The following CTNNA3 variants were observed in gnomAD, a reference collection of about 807,000 sequenced individuals.
CTNNA3 encodes catenin alpha-3.
A neutral mutation model predicts 95.7 loss-of-function variants in CTNNA3; 76 were observed. The observed-to-expected ratio is 0.79, with a 90% CI of 0.66 to 0.96. The LOEUF is 0.96. CTNNA3 is among the 40% of genes least tolerant of loss of function. CTNNA3 has a pLI of 0.00. For synonymous variants in CTNNA3, 431 were observed against 374.4 expected (o/e 1.15, Z -1.74); for missense variants, 1,191 against 1,089.8 (o/e 1.09, Z -1.31).
At chr10:66,421,861 G>T (rs1232738376) in intron 11 of CTNNA3, among the ~76,000 whole-genome samples, 1 of 115,658 alleles carries the variant, frequency 8.6e-6, no homozygotes, top group Non-Finnish European at 1.9e-5. Flanking sequence ...AAAGAAAAGT[G>T]TGTTTTTAAA....
chr10:67,125,791 C>T (rs1424546257), intron 7 of CTNNA3, among the ~76,000 whole-genome samples: 4 of 152,116 alleles, frequency 2.6e-5, no homozygotes, highest in South Asian at 2.1e-4. Context: ...CCCTCATAAG[C>T]ACAAGTAGCC....
At position 67,126,538 on chromosome 10, in the gene CTNNA3, G is replaced by T. The variant is rs550311995; in HGVS notation, c.1047+53779C>A. ...TGCACTCCAGCCTGGGCAACAGAGC[G>T]ACAGAGCAAGACTCTGTCTCAAGAA... On this transcript the variant is annotated intron_variant, in intron 7 of 17. Transcript: ENST00000433211. Among the ~76,000 whole-genome samples the T allele has an allele frequency of 1.5e-4, 23 of 152,284 alleles. No homozygotes were observed. The South Asian group carries it at 4.6e-3, about 30-fold the overall frequency.
intron 9 of CTNNA3, among the ~76,000 whole-genome samples, chr10:66,622,741 G>C (rs1379617019): frequency 6.6e-6 from 1 of 152,034 alleles, no homozygotes; most frequent in Admixed American, 6.6e-5. Flanking sequence ...TTCCTGCTAA[G>C]ATCTAAAATA....
At chr10:65,949,570 G>T (rs764192663) in intron 17 of CTNNA3, among the ~76,000 whole-genome samples, 1 of 152,058 alleles carries the variant, frequency 6.6e-6, no homozygotes, top group Non-Finnish European at 1.5e-5. Flanking sequence ...GAAGGGGAGG[G>T]AAGAAAAAAG....
Position 66,144,099 on chromosome 10 carries a change from C to T in CTNNA3, c.1885-40850G>A, listed in dbSNP as rs527699668. On this transcript the variant is annotated intron_variant, in intron 13 of 17. Coordinates refer to ENST00000433211, the MANE Select transcript of CTNNA3 (RefSeq NM_013266.4). ...ACAATTTATTTTTGTTATTTCGTGACTTCACTGCATTTTATTGCATTTCTG... is the reference window on the plus strand; with the variant it reads ...ACAATTTATTTTTGTTATTTCGTGATTTCACTGCATTTTATTGCATTTCTG... 5.6e-4 allele frequency among the ~76,000 whole-genome samples: 86 copies of T among 152,226 alleles called. 1 individual carries two copies. Among genetic ancestry groups the T allele is most frequent in the Non-Finnish European group, 1.1e-3 (72 of 68,008 alleles).
intron 11 of CTNNA3, among the ~76,000 whole-genome samples, chr10:66,497,895 GATA>G (rs1840151478): frequency 6.6e-6 from 1 of 152,060 alleles, no homozygotes; most frequent in Non-Finnish European, 1.5e-5. Flanking sequence ...AGAAGACATA[GATA>G]ATAAAAGTCC....
chr10:67,346,168 T>G (rs1251616616), intron 5 of CTNNA3, among the ~76,000 whole-genome samples: 1 of 152,190 alleles, frequency 6.6e-6, no homozygotes, highest in Non-Finnish European at 1.5e-5. Flanking sequence ...TTGTTTCTAT[T>G]TATACCTTAT....
At chr10:67,476,631 T>C (rs1367395894) in intron 5 of CTNNA3, among the ~76,000 whole-genome samples, 1 of 150,176 alleles carries the variant, frequency 6.7e-6, no homozygotes, top group Non-Finnish European at 1.5e-5. Flanking sequence ...GAGATCGTAG[T>C]GCATCTGAGC....
chr10:67,406,790 C>G (rs1034916242), intron 5 of CTNNA3, among the ~76,000 whole-genome samples: 2 of 152,106 alleles, frequency 1.3e-5, no homozygotes, highest in African/African-American at 4.8e-5. Flanking sequence ...GTTATGAACA[C>G]CTCTATGCAC....
At chr10:66,969,511 C>T (rs1053553116) in intron 7 of CTNNA3, among the ~76,000 whole-genome samples, 9 of 152,058 alleles carry the variant, frequency 5.9e-5, no homozygotes, top group South Asian at 4.1e-4. Flanking sequence ...ATTATTTCCT[C>T]GGGATACATT....
intron 7 of CTNNA3, among the ~76,000 whole-genome samples, chr10:66,906,768 A>G (rs1203136331): frequency 6.6e-6 from 1 of 151,768 alleles, no homozygotes; most frequent in Non-Finnish European, 1.5e-5. Flanking sequence ...ATTTTTTTTT[A>G]GTGCGTCTCT....
chr10:66,281,421 A>G (rs1427583534), intron 12 of CTNNA3, among the ~76,000 whole-genome samples: 1 of 151,928 alleles, frequency 6.6e-6, no homozygotes, highest in East Asian at 1.9e-4. Context: ...TAACCCCAGT[A>G]TTAACTGAGT....
chr10:66,664,149 A>G (rs1189005609), intron 9 of CTNNA3, among the ~76,000 whole-genome samples: 1 of 152,108 alleles, frequency 6.6e-6, no homozygotes, highest in East Asian at 1.9e-4. Flanking sequence ...ACAAAAGATT[A>G]ATCTTTATTC....
chr10:66,853,978 T>C lies in CTNNA3; in HGVS notation c.1048-78454A>G, dbSNP rs535362619. On this transcript the variant is annotated intron_variant, in intron 7 of 17. Coordinates refer to ENST00000433211, the MANE Select transcript of CTNNA3 (RefSeq NM_013266.4). ...AGAGATTCTAAATAAAAAGCCGCTA[T>C]TTAACCATTTGCGATTATGCTATCA... 3.9e-5 allele frequency among the ~76,000 whole-genome samples: 6 copies of C among 152,212 alleles called. No homozygotes were observed. The East Asian group carries it at 1.2e-3, about 29-fold the overall frequency.
At chr10:66,912,283 T>C (rs949128825) in intron 7 of CTNNA3, among the ~76,000 whole-genome samples, 10 of 152,074 alleles carry the variant, frequency 6.6e-5, no homozygotes, top group African/African-American at 2.4e-4. Context: ...TTTTTTACTA[T>C]AAAATAACAA....
intron 7 of CTNNA3, among the ~76,000 whole-genome samples, chr10:67,060,300 G>A (rs1028102688): frequency 6.6e-6 from 1 of 152,148 alleles, no homozygotes; most frequent in African/African-American, 2.4e-5. Context: ...CCTGGTGACA[G>A]AGACCTTGTC....
At chr10:66,903,873 A>C (rs1018701643) in intron 7 of CTNNA3, among the ~76,000 whole-genome samples, 1 of 152,198 alleles carries the variant, frequency 6.6e-6, no homozygotes, top group Non-Finnish European at 1.5e-5. Flanking sequence ...TCAATTAAAT[A>C]AAACAGGACA....
intron 5 of CTNNA3, among the ~76,000 whole-genome samples, chr10:67,430,820 TACACACACAC>T (rs371146065): frequency 8.6e-5 from 12 of 138,768 alleles, no homozygotes; most frequent in African/African-American, 3.2e-4. Flanking sequence ...CAAACATAAC[TACACACACAC>T]ACACACACAC....
intron 13 of CTNNA3, among the ~76,000 whole-genome samples, chr10:66,123,615 A>C (rs1277135094): frequency 6.6e-6 from 1 of 152,178 alleles, no homozygotes; most frequent in Non-Finnish European, 1.5e-5. Flanking sequence ...CTGTCCTAGC[A>C]GAGGTTCTCC....
Sources: allele counts gnomAD v4.1 joint callset (sites outside exome capture counted in the v4.1 genomes callset), GRCh38; gene constraint gnomAD v4.1.1; transcripts MANE v1.5; gene names NCBI Gene and HGNC (gene_info 2026-07-23, HGNC 2026-07-21).